ARHGEF33: variants seen among roughly 807,000 people sequenced by gnomAD.
The protein encoded by ARHGEF33 is DH and coiled-coil domain-containing protein ENSP00000381780.
In ARHGEF33, 72 loss-of-function variants were observed where a neutral mutation model predicts 101.9. The observed-to-expected ratio is 0.71, with a 90% CI of 0.58 to 0.86. ARHGEF33 has a LOEUF of 0.86. Ranked by LOEUF, ARHGEF33 falls within the 40% of genes least tolerant of loss-of-function variation. ARHGEF33 has a pLI of 0.00. For missense variants in ARHGEF33, 1,169 were observed against 1,111.3 expected (o/e 1.05, Z -0.74); for synonymous variants, 499 against 442.5 (o/e 1.13, Z -1.60).
At chr2:38,913,038 G>GTTTT (rs537468439) in intron 2 of ARHGEF33, among the ~76,000 whole-genome samples, 3 of 135,804 alleles carry the variant, frequency 2.2e-5, no homozygotes, top group Admixed American at 7.4e-5. Context: ...TCAACAAATT[G>GTTTT]TTTTTTTTTT....
At chr2:38,938,049 AT>A (rs1332698073) in intron 9 of ARHGEF33, among the ~76,000 whole-genome samples, 2 of 152,102 alleles carry the variant, frequency 1.3e-5, no homozygotes, top group Non-Finnish European at 2.9e-5. Context: ...TTTAAAAATT[AT>A]TTTGAATTTT....
chr2:38,905,846 T>G (rs1328469986), intron 2 of ARHGEF33, among the ~76,000 whole-genome samples: 1 of 152,202 alleles, frequency 6.6e-6, no homozygotes, highest in Non-Finnish European at 1.5e-5. Context: ...CAAGATGAAA[T>G]GAGCATAATC....
intron 2 of ARHGEF33, among the ~76,000 whole-genome samples, chr2:38,901,959 C>T (rs1033646302): frequency 1.3e-5 from 2 of 151,792 alleles, no homozygotes; most frequent in Non-Finnish European, 2.9e-5. Flanking sequence ...ACTAAAAATA[C>T]AAAAAATTAG....
At chr2:38,918,759 G>T (rs1666690325) in intron 2 of ARHGEF33, among the ~76,000 whole-genome samples, 1 of 151,884 alleles carries the variant, frequency 6.6e-6, no homozygotes, top group Admixed American at 6.6e-5. Flanking sequence ...AATTTTCCTG[G>T]GGCTGGGTGT....
intron 10 of ARHGEF33, among the ~76,000 whole-genome samples, chr2:38,950,004 C>T (rs559322240): frequency 6.6e-6 from 1 of 152,302 alleles, no homozygotes; most frequent in African/African-American, 2.4e-5. Context: ...AATTCACCCT[C>T]ATGATACAAT....
At chr2:38,952,991 G>A (rs372349648) in intron 11 of ARHGEF33, among the ~76,000 whole-genome samples, 171 bp from the exon 12 acceptor site, 3 of 152,150 alleles carry the variant, frequency 2.0e-5, no homozygotes, top group African/African-American at 7.2e-5. Context: ...GAGCCACCGC[G>A]CCTTATCTAA....
Position 38,901,433 on chromosome 2 carries a change from C to T in ARHGEF33, c.-86+5584C>T, listed in dbSNP as rs144915374. ...GCTGAGGCTGTGCTGTGGATGGGAG[C>T]GCTCCATTCTGAGGGCTGCAGCAGT... On this transcript the variant is annotated intron_variant, in intron 2 of 17. Coordinates refer to ENST00000409978, the MANE Select transcript of ARHGEF33 (RefSeq NM_001145451.5). Among the ~76,000 whole-genome samples, 431 of 152,230 alleles carry T rather than the reference C, an allele frequency of 2.8e-3. 2 individuals carry two copies. The highest frequency in any genetic ancestry group is 0.01 in the African/African-American group (416 of 41,538).
At chr2:38,934,042 T>G (rs1004866812) in intron 7 of ARHGEF33, among the ~76,000 whole-genome samples, 21 of 152,210 alleles carry the variant, frequency 1.4e-4, no homozygotes, top group African/African-American at 5.1e-4. Context: ...TGACATATTC[T>G]TGCTTGAGAA....
intron 14 of ARHGEF33, chr2:38,957,813 C>G: frequency 1.8e-6 from 1 of 544,148 alleles, no homozygotes; most frequent in East Asian, 3.0e-5. Flanking sequence ...TACCCCCAAC[C>G]CCTTCCCCCA....
At chr2:38,933,394 T>G (rs1000451432) in intron 7 of ARHGEF33, among the ~76,000 whole-genome samples, 1 of 152,038 alleles carries the variant, frequency 6.6e-6, no homozygotes, top group African/African-American at 2.4e-5. Flanking sequence ...TTTTTTTTTC[T>G]TTTTTTGAAA....
chr2:38,973,871 G>T lies in ARHGEF33; in HGVS notation c.*28G>T. ...CATACTTAAAGTTGTATTGTCAAGT[G>T]GTAAGATGAGGATAAAAAGCTTGTA... On this transcript the variant is annotated 3_prime_UTR_variant, in exon 18 of 18. Coordinates refer to ENST00000409978, the MANE Select transcript of ARHGEF33 (RefSeq NM_001145451.5). 1 of 1,518,728 alleles carries T rather than the reference G, an allele frequency of 6.6e-7. No individual in the cohort carries two copies. The highest frequency in any genetic ancestry group is 1.3e-5 in the South Asian group (1 of 79,716). 94.1% of individuals were successfully genotyped at this position (1,518,728 alleles called of 1,614,324 possible).
At chr2:38,902,766 G>A (rs1250498861) in intron 2 of ARHGEF33, among the ~76,000 whole-genome samples, 1 of 152,184 alleles carries the variant, frequency 6.6e-6, no homozygotes, top group Non-Finnish European at 1.5e-5. Flanking sequence ...AAGTCCTCAT[G>A]AGGGGGCACT....
intron 3 of ARHGEF33, among the ~76,000 whole-genome samples, chr2:38,920,076 A>G (rs80166660): frequency 0.024 from 3,592 of 152,300 alleles, 61 homozygotes; most frequent in Non-Finnish European, 0.035. Context: ...TTCTGTGTGT[A>G]TAAATTCTGG....
chr2:38,900,239 C>G (rs924649390), intron 2 of ARHGEF33, among the ~76,000 whole-genome samples: 9 of 151,972 alleles, frequency 5.9e-5, no homozygotes, highest in Admixed American at 3.9e-4. Flanking sequence ...GCCTATAATT[C>G]CTGGTAGGAA....
chr2:38,893,986 C>A (rs1332295326), intron 1 of ARHGEF33, among the ~76,000 whole-genome samples: 2 of 152,086 alleles, frequency 1.3e-5, no homozygotes, highest in Admixed American at 1.3e-4. Context: ...AAGCAGAAAG[C>A]ACACATAGGC....
chr2:38,917,211 C>T (rs888338124), intron 2 of ARHGEF33, among the ~76,000 whole-genome samples: 10 of 149,766 alleles, frequency 6.7e-5, no homozygotes, highest in African/African-American at 2.5e-4. Flanking sequence ...CCTGCCTCAG[C>T]CTCCCGAGTA....
intron 16 of ARHGEF33, among the ~76,000 whole-genome samples, chr2:38,961,058 G>T (rs951762567): frequency 6.6e-6 from 1 of 152,198 alleles, no homozygotes; most frequent in African/African-American, 2.4e-5. Flanking sequence ...TCCCGGGCCA[G>T]TGTGTTTCTT....
At chr2:38,917,601 G>A (rs1666664729) in intron 2 of ARHGEF33, among the ~76,000 whole-genome samples, 1 of 151,990 alleles carries the variant, frequency 6.6e-6, no homozygotes, top group Admixed American at 6.6e-5. Context: ...AGACCGAGGA[G>A]GGGAGTCGCT....
chr2:38,900,089 G>A (rs979845953), intron 2 of ARHGEF33, among the ~76,000 whole-genome samples: 2 of 152,150 alleles, frequency 1.3e-5, no homozygotes, highest in African/African-American at 4.8e-5. Flanking sequence ...CTACTTGGGA[G>A]GCTGAGGTAG....
Sources: gnomAD v4.1 joint callset for allele counts (sites outside exome capture counted in the v4.1 genomes callset) on GRCh38, gnomAD v4.1.1 for gene constraint, MANE v1.5 for transcripts, NCBI Gene and HGNC (gene_info 2026-07-23, HGNC 2026-07-21) for gene names.